The following FOXP2 variants were observed in gnomAD, a reference collection of about 807,000 sequenced individuals.
The protein encoded by FOXP2 is forkhead box protein P2.
In FOXP2, 12 loss-of-function variants were observed where a neutral mutation model predicts 115.8. The ratio of observed to expected loss-of-function variants is 0.10; its 90% confidence interval spans 0.07 to 0.17. FOXP2 has a LOEUF of 0.17. Among genes scored for constraint, FOXP2 ranks in the 10% least tolerant of loss-of-function variants. The probability of loss-of-function intolerance (pLI) is 1.00; values close to 1 mark genes in which losing one functional copy is unlikely to be tolerated. For synonymous variants in FOXP2, 328 were observed against 297.7 expected, an observed-to-expected ratio of 1.10 and a Z score of -1.05; for missense variants, 629 against 843.5, an observed-to-expected ratio of 0.75 and a Z score of 3.15.
chr7:114,354,971 A>G (rs1246475668), intron 2 of FOXP2, among the ~76,000 whole-genome samples: 7 of 152,158 alleles, frequency 4.6e-5, no homozygotes, highest in Non-Finnish European at 1.0e-4. Flanking sequence ...ACTGTTTTCA[A>G]TACTGAATTC....
chr7:114,126,922 T>A (rs941534007), intron 1 of FOXP2, among the ~76,000 whole-genome samples: 7 of 152,192 alleles, frequency 4.6e-5, no homozygotes, highest in African/African-American at 1.7e-4. Flanking sequence ...CATAACAAAC[T>A]ACTGCAAACT....
chr7:114,417,967 T>A (rs1249651871), intron 1 of FOXP2, among the ~76,000 whole-genome samples: 1 of 152,004 alleles, frequency 6.6e-6, no homozygotes, highest in Non-Finnish European at 1.5e-5. Flanking sequence ...TTATTGCATC[T>A]TAAAATGTTG....
intron 1 of FOXP2, among the ~76,000 whole-genome samples, chr7:114,120,842 A>G (rs1270072552): frequency 2.0e-5 from 3 of 152,082 alleles, no homozygotes; most frequent in African/African-American, 7.2e-5. Context: ...AAGGCCACAC[A>G]GCTGGTAAGG....
chr7:114,393,160 A>G (rs958430323), intron 2 of FOXP2, among the ~76,000 whole-genome samples: 4 of 152,128 alleles, frequency 2.6e-5, no homozygotes, highest in Non-Finnish European at 5.9e-5. Flanking sequence ...ATAAGTTATT[A>G]CTTATGTAAT....
chr7:114,472,908 A>T (rs1796110750), intron 2 of FOXP2, among the ~76,000 whole-genome samples: 3 of 152,092 alleles, frequency 2.0e-5, no homozygotes, highest in Admixed American at 2.0e-4. Context: ...TTCCACAGGG[A>T]TTCTCTCAAC....
In FOXP2 at chr7:114,678,547, C is replaced by CTTTTT. The variant is rs35525759; in HGVS notation, c.2004-11213_2004-11209dup. ...TACTTCTCTCCGGAAATAAGTGACT[C>CTTTTT]TTTTTTTTTTTTTTTTTTTTTTTTT... On this transcript the variant is annotated intron_variant, in intron 16 of 16. Coordinates refer to ENST00000350908, the MANE Select transcript of FOXP2 (RefSeq NM_014491.4). Among the ~76,000 whole-genome samples, 138 of 48,390 alleles carry CTTTTT rather than the reference C, an allele frequency of 2.9e-3. 18 individuals are homozygous for CTTTTT. The highest frequency in any genetic ancestry group is 3.9e-3 in the Non-Finnish European group (98 of 25,148). 31.7% of individuals were successfully genotyped at this position (48,390 alleles called of 152,430 possible).
upstream of FOXP2, among the ~76,000 whole-genome samples, chr7:114,409,689 A>G (rs779057080): frequency 6.6e-6 from 1 of 152,148 alleles, no homozygotes; most frequent in Non-Finnish European, 1.5e-5. Flanking sequence ...AAGTACTTGC[A>G]TCATAGAATT....
chr7:114,409,429 C>A (rs1793112660), upstream of FOXP2, among the ~76,000 whole-genome samples: 1 of 152,050 alleles, frequency 6.6e-6, no homozygotes, highest in Admixed American at 6.6e-5. Flanking sequence ...TGTCTTCATG[C>A]ACTTCTTCAT....
intron 1 of FOXP2, among the ~76,000 whole-genome samples, chr7:114,117,666 T>C (rs536168934): frequency 6.6e-6 from 1 of 152,300 alleles, no homozygotes; most frequent in Non-Finnish European, 1.5e-5. Flanking sequence ...TTTTAAGCAA[T>C]GTTTATTAGT....
intron 2 of FOXP2, among the ~76,000 whole-genome samples, chr7:114,295,079 A>C (rs943199151): frequency 2.6e-5 from 4 of 152,168 alleles, no homozygotes; most frequent in Admixed American, 1.3e-4. Flanking sequence ...TATAGTTTTA[A>C]ACTTGTGGCT....
chr7:114,652,653 A>G (rs1806334597), intron 9 of FOXP2, among the ~76,000 whole-genome samples: 1 of 152,072 alleles, frequency 6.6e-6, no homozygotes, highest in Non-Finnish European at 1.5e-5. Context: ...ATTTTTTTCC[A>G]TGAGATTTTA....
intron 2 of FOXP2, among the ~76,000 whole-genome samples, chr7:114,300,235 CTATA>C (rs1796846875): frequency 1.3e-5 from 2 of 151,954 alleles, no homozygotes; most frequent in Admixed American, 1.3e-4. Context: ...ACGATTCAAT[CTATA>C]TAACCATAGG....
At chr7:114,428,217 G>T (rs963278921) in intron 2 of FOXP2, among the ~76,000 whole-genome samples, 16 of 151,524 alleles carry the variant, frequency 1.1e-4, no homozygotes, top group Admixed American at 5.3e-4. Flanking sequence ...AATGAACATC[G>T]CAGTTGAGTA....
chr7:114,609,212 CAAAAAAAAAA>C (rs960716714), intron 3 of FOXP2, among the ~76,000 whole-genome samples: 4 of 92,244 alleles, frequency 4.3e-5, no homozygotes, highest in Non-Finnish European at 9.1e-5. Flanking sequence ...GACTCTGTCT[CAAAAAAAAAA>C]AAAAGAAAGA....
intron 2 of FOXP2, among the ~76,000 whole-genome samples, chr7:114,432,762 T>C (rs1373891846): frequency 2.0e-5 from 3 of 151,834 alleles, no homozygotes; most frequent in Non-Finnish European, 4.4e-5. Flanking sequence ...CCTAAAGAAG[T>C]GTACACTTGG....
intron 3 of FOXP2, among the ~76,000 whole-genome samples, chr7:114,598,553 A>G (rs1802846857): frequency 6.6e-6 from 1 of 152,000 alleles, no homozygotes; most frequent in Non-Finnish European, 1.5e-5. Context: ...CCTATCTTTA[A>G]TATTCATTAC....
intron 3 of FOXP2, among the ~76,000 whole-genome samples, chr7:114,584,060 A>G (rs1224849072): frequency 3.3e-5 from 5 of 151,790 alleles, no homozygotes; most frequent in Non-Finnish European, 7.4e-5. Context: ...CATTTACACT[A>G]TTTTTTTTAT....
intron 1 of FOXP2, among the ~76,000 whole-genome samples, chr7:114,191,372 T>A (rs1252461435): frequency 6.6e-6 from 1 of 152,204 alleles, no homozygotes; most frequent in Non-Finnish European, 1.5e-5. Context: ...ACATGCCCTG[T>A]GGCCCAATGA....
At position 114,689,784 on chromosome 7, in the gene FOXP2, A is replaced by G. The variant is rs1278315350; in HGVS notation, c.2006A>G (p.His669Arg). Residue 669 changes from histidine to arginine, a missense_variant and splice_region_variant, in exon 17 of 17, where the codon CAT becomes CGT. This residue lies in a region of FOXP2 where 117 missense variants were observed against 112.3 expected (regional missense o/e 1.04). Transcript: ENST00000350908. ...SPGCSPQPHI[H>R]SIHVKEEPVI... Reference sequence around the variant, plus strand: ...TGGTGTATCTACATGTTTTTCAGACATTCAATCCACGTCAAGGAAGAGCCA... The same window carrying G: ...TGGTGTATCTACATGTTTTTCAGACGTTCAATCCACGTCAAGGAAGAGCCA... 3.1e-6 allele frequency: 5 copies of G among 1,613,114 alleles called. No homozygotes were observed. Among genetic ancestry groups the G allele is most frequent in the Non-Finnish European group, 3.4e-6 (4 of 1,179,428 alleles).
Sources: gnomAD v4.1 joint callset for allele counts (sites outside exome capture counted in the v4.1 genomes callset) on GRCh38, gnomAD v4.1.1 for gene constraint, gnomAD v4.1.1 regional missense constraint, MANE v1.5 for transcripts, NCBI Gene and HGNC (gene_info 2026-07-23, HGNC 2026-07-21) for gene names.